CDH12: variants seen among roughly 807,000 people sequenced by gnomAD.
The protein encoded by CDH12 is cadherin 12, also known as cadherin-12.
CDH12 carries 41 observed loss-of-function variants against 74.1 expected under a neutral mutation model. The ratio of observed to expected loss-of-function variants is 0.55; its 90% CI spans 0.43 to 0.72. The LOEUF is 0.72. Ranked by LOEUF, CDH12 falls within the 30% of genes least tolerant of loss-of-function variation. The probability of loss-of-function intolerance (pLI) is 0.00; values close to 1 mark genes in which losing one functional copy is unlikely to be tolerated. For synonymous variants in CDH12, 399 were observed against 355.0 expected (o/e 1.12, Z -1.39); for missense variants, 945 against 977.2 (o/e 0.97, Z 0.44).
intron 3 of CDH12, among the ~76,000 whole-genome samples, chr5:22,236,124 C>T (rs1285170526): frequency 6.6e-6 from 1 of 152,170 alleles, no homozygotes; most frequent in African/African-American, 2.4e-5. Flanking sequence ...GAAATTTGCC[C>T]TGTGTGAGTA....
chr5:22,424,752 G>A (rs1218092253), intron 2 of CDH12, among the ~76,000 whole-genome samples: 2 of 151,796 alleles, frequency 1.3e-5, no homozygotes, highest in Non-Finnish European at 2.9e-5. Context: ...AGTCTTACTC[G>A]TTTAATCTCC....
rs558904985 is a variant in CDH12 at position 22,456,440 on chromosome 5, C to G, written c.-428+48830G>C. Among the ~76,000 whole-genome samples, 7 of 152,092 alleles carry G rather than the reference C, an allele frequency of 4.6e-5. No individual in the cohort carries two copies. In the East Asian group the frequency reaches 1.4e-3, roughly 29 times the overall value. On this transcript the variant is annotated intron_variant, in intron 2 of 14. Transcript: ENST00000382254. ...CCTGGGAACTTCACATGCTGATACT[C>G]TTAGTATATTAAACACATATTTAAC...
At chr5:22,083,799 T>C (rs1195558279) in intron 4 of CDH12, among the ~76,000 whole-genome samples, 1 of 152,100 alleles carries the variant, frequency 6.6e-6, no homozygotes, top group Admixed American at 6.5e-5. Flanking sequence ...TTAATAGATA[T>C]AAAAATACAC....
At chr5:22,353,473 C>T (rs1740437518) in intron 3 of CDH12, among the ~76,000 whole-genome samples, 1 of 152,108 alleles carries the variant, frequency 6.6e-6, no homozygotes, top group Admixed American at 6.6e-5. Flanking sequence ...AAATGGACCA[C>T]ATTAAGAAAT....
chr5:22,602,736 A>T (rs1736908906), intron 1 of CDH12, among the ~76,000 whole-genome samples: 1 of 152,148 alleles, frequency 6.6e-6, no homozygotes, highest in South Asian at 2.1e-4. Flanking sequence ...CTTCTAGCTA[A>T]CACCATGTTT....
At chr5:22,337,127 C>A (rs1234888323) in intron 3 of CDH12, among the ~76,000 whole-genome samples, 1 of 152,130 alleles carries the variant, frequency 6.6e-6, no homozygotes, top group Non-Finnish European at 1.5e-5. Flanking sequence ...GGGCCTGTAG[C>A]CCCTTTGTTT....
In CDH12 at chr5:22,027,558, G is replaced by A. The variant is rs533953535; in HGVS notation, c.231+50888C>T. ...TTAGTCTTGGGAGGGTGTATGAGTCGAGGAATTTATCCATTTCTTCTAGAT... is the reference window on the plus strand; with the variant it reads ...TTAGTCTTGGGAGGGTGTATGAGTCAAGGAATTTATCCATTTCTTCTAGAT... On this transcript the variant is annotated intron_variant, in intron 5 of 14. Coordinates refer to ENST00000382254, the MANE Select transcript of CDH12 (RefSeq NM_004061.5). 1.1e-4 allele frequency among the ~76,000 whole-genome samples: 17 copies of A among 152,172 alleles called. No individual in the cohort carries two copies. The East Asian group carries it at 1.7e-3, about 16-fold the overall frequency.
chr5:21,882,635 G>A, intron 6 of CDH12: 1 of 1,606,196 alleles, frequency 6.2e-7, no homozygotes, highest in Non-Finnish European at 8.5e-7. Context: ...AGTGTCCAGG[G>A]TACTGGCTCC....
chr5:22,037,833 A>C (rs1739291126), intron 5 of CDH12, among the ~76,000 whole-genome samples: 13 of 152,206 alleles, frequency 8.5e-5, no homozygotes, highest in Admixed American at 8.5e-4. Context: ...CAGTGAGCAC[A>C]GAAATTCAGT....
intron 6 of CDH12, among the ~76,000 whole-genome samples, chr5:21,947,934 A>T (rs1250315451): frequency 6.6e-6 from 1 of 152,212 alleles, no homozygotes; most frequent in Non-Finnish European, 1.5e-5. Flanking sequence ...GAGACAATGT[A>T]CAGCTCACCT....
Position 21,755,667 on chromosome 5 carries a change from C to T in CDH12, c.1809G>A (p.Val603=), listed in dbSNP as rs1184203246. The part of the protein sequence containing the change: ...DSDGTILSCN[V]EAIFLPVGLS... ...GTCCTACAGGTAGAAAAATTGCTTC[C>T]ACATTACAAGACAGGATGGTGCCAT... The change falls in exon 14 of 15, where the codon GTG becomes GTA. Residue 603 remains valine, a synonymous_variant. Transcript: ENST00000382254. The T allele has an allele frequency of 1.9e-6, 3 of 1,614,064 alleles. No individual in the cohort carries two copies. Among genetic ancestry groups the T allele is most frequent in the Middle Eastern group, 1.6e-4 (1 of 6,062 alleles).
intron 4 of CDH12, among the ~76,000 whole-genome samples, chr5:22,194,476 C>T (rs1037736780): frequency 1.1e-4 from 17 of 151,722 alleles, no homozygotes; most frequent in Admixed American, 2.0e-4. Flanking sequence ...GGATTACAAG[C>T]GTCCGCCCCC....
chr5:21,955,485 A>G (rs1313075004), intron 6 of CDH12, among the ~76,000 whole-genome samples: 1 of 152,094 alleles, frequency 6.6e-6, no homozygotes, highest in Non-Finnish European at 1.5e-5. Flanking sequence ...ACCTTTTAAA[A>G]AGCATTGAGA....
intron 1 of CDH12, among the ~76,000 whole-genome samples, chr5:22,542,293 T>C (rs1265327721): frequency 6.6e-6 from 1 of 152,140 alleles, no homozygotes; most frequent in Non-Finnish European, 1.5e-5. Flanking sequence ...AAAAAATTGG[T>C]CAGTAATTAT....
intron 1 of CDH12, among the ~76,000 whole-genome samples, chr5:22,707,393 C>T (rs149375428): frequency 1.6e-3 from 246 of 152,226 alleles, no homozygotes; most frequent in African/African-American, 5.2e-3. Context: ...TATGATTTCA[C>T]CCTTATTTTA....
chr5:22,675,595 G>A (rs1273462182), intron 1 of CDH12, among the ~76,000 whole-genome samples: 1 of 151,906 alleles, frequency 6.6e-6, no homozygotes, highest in Non-Finnish European at 1.5e-5. Context: ...TATTGGGAAG[G>A]CATAATTGGT....
intron 4 of CDH12, among the ~76,000 whole-genome samples, chr5:22,182,151 C>A (rs1749682997): frequency 6.6e-6 from 1 of 152,028 alleles, no homozygotes; most frequent in Admixed American, 6.6e-5. Flanking sequence ...TTTCTTCTCT[C>A]TGTTCAAATA....
In CDH12 at chr5:21,750,717, AG is replaced by A. The variant is rs1311765789; in HGVS notation, c.*1019del. On this transcript the variant is annotated 3_prime_UTR_variant, in exon 15 of 15. Coordinates refer to ENST00000382254, the MANE Select transcript of CDH12 (RefSeq NM_004061.5). The stretch of plus-strand genomic sequence containing the variant: ...AATCACTAGATTGTAAGAAACTCTG[AG>A]AAACTGTATAATGAATTTCTCTTTC... 1 of 152,110 alleles carries A rather than the reference AG, an allele frequency of 6.6e-6. No individual in the cohort carries two copies. The highest frequency in any genetic ancestry group is 1.5e-5 in the Non-Finnish European group (1 of 67,998). 9.4% of individuals were successfully genotyped at this position (152,110 alleles called of 1,614,324 possible).
chr5:22,370,361 G>A (rs1158302585), intron 3 of CDH12, among the ~76,000 whole-genome samples: 1 of 152,072 alleles, frequency 6.6e-6, no homozygotes, highest in African/African-American at 2.4e-5. Context: ...ATAACTGTAA[G>A]CAAAGAAGAA....
Sources: allele counts gnomAD v4.1 joint callset (sites outside exome capture counted in the v4.1 genomes callset), GRCh38; gene constraint gnomAD v4.1.1; transcripts MANE v1.5; gene names NCBI Gene and HGNC (gene_info 2026-07-23, HGNC 2026-07-21).